Variants in CPED1 observed in about 807,000 individuals in gnomAD.
CPED1 encodes the protein cadherin like and PC-esterase domain containing 1.
CPED1 carries 114 observed loss-of-function variants against 128.2 expected under a neutral mutation model. The ratio of observed to expected loss-of-function variants is 0.89; its 90% CI spans 0.76 to 1.04. The LOEUF is 1.04. CPED1 is among the 50% of genes least tolerant of loss of function. The probability of loss-of-function intolerance (pLI) is 0.00; values close to 1 mark genes in which losing one functional copy is unlikely to be tolerated. For missense variants in CPED1, 1,211 were observed against 1,207.1 expected, an observed-to-expected ratio of 1.00 and a Z score of -0.05; for synonymous variants, 462 against 426.7, an observed-to-expected ratio of 1.08 and a Z score of -1.02.
At chr7:121,014,754 T>A (rs1050361686) in intron 2 of CPED1, among the ~76,000 whole-genome samples, 9 of 152,042 alleles carry the variant, frequency 5.9e-5, no homozygotes, top group African/African-American at 2.2e-4. Context: ...TTGTGTTTTT[T>A]ACCAAGTCCC....
rs759165787 is a variant in CPED1, at chr7:121,130,298, A to G, written c.1577+4A>G. 1 of 1,588,502 alleles carries G rather than the reference A, an allele frequency of 6.3e-7. No homozygotes were observed. Among genetic ancestry groups the G allele is most frequent in the East Asian group, 2.3e-5 (1 of 43,792 alleles). On this transcript the variant is annotated splice_donor_region_variant and intron_variant, in intron 12 of 22. Coordinates refer to ENST00000310396, the MANE Select transcript of CPED1 (RefSeq NM_024913.5). The stretch of plus-strand genomic sequence containing the variant: ...CACAGCCACATCCACTGGAATGGTA[A>G]GATAGCCACAAATTTGAATTGTACA...
At chr7:121,056,208 A>C (rs1248863959) in intron 4 of CPED1, among the ~76,000 whole-genome samples, 1 of 152,112 alleles carries the variant, frequency 6.6e-6, no homozygotes, top group Admixed American at 6.5e-5. Context: ...AATGGTATTT[A>C]TTTCTGGTTG....
chr7:121,168,898 G>A (rs1669820595), intron 16 of CPED1, among the ~76,000 whole-genome samples: 1 of 152,090 alleles, frequency 6.6e-6, no homozygotes, highest in Non-Finnish European at 1.5e-5. Flanking sequence ...ACTTCAGTAT[G>A]GCAAACTCTG....
intron 2 of CPED1, among the ~76,000 whole-genome samples, chr7:121,012,622 T>A (rs1016604387): frequency 1.3e-5 from 2 of 152,240 alleles, no homozygotes; most frequent in African/African-American, 4.8e-5. Flanking sequence ...GTGCACCTGT[T>A]GTCAGACCGG....
chr7:121,004,277 T>C (rs750585301), intron 2 of CPED1, among the ~76,000 whole-genome samples: 56 of 152,288 alleles, frequency 3.7e-4, no homozygotes, highest in Admixed American at 2.5e-3. Context: ...TGCATGGGAT[T>C]GACAATGTTA....
intron 16 of CPED1, among the ~76,000 whole-genome samples, chr7:121,181,241 T>C (rs1796891705): frequency 6.6e-6 from 1 of 152,084 alleles, no homozygotes; most frequent in South Asian, 2.1e-4. Context: ...CATGCAAGTA[T>C]ATTCTTCAGA....
intron 5 of CPED1, among the ~76,000 whole-genome samples, chr7:121,073,644 GCTT>G (rs1055525691): frequency 2.6e-5 from 4 of 152,118 alleles, no homozygotes; most frequent in Admixed American, 1.3e-4. Flanking sequence ...TTCTGGCACT[GCTT>G]CTTCTTCATC....
chr7:121,197,411 A>T (rs1797295674), intron 16 of CPED1, among the ~76,000 whole-genome samples: 1 of 152,138 alleles, frequency 6.6e-6, no homozygotes. Flanking sequence ...CAAAGGGCCA[A>T]CTGTACATCA....
At chr7:121,247,660 C>T (rs900065798) in intron 18 of CPED1, among the ~76,000 whole-genome samples, 1 of 152,094 alleles carries the variant, frequency 6.6e-6, no homozygotes, top group Non-Finnish European at 1.5e-5. Flanking sequence ...CTTCTGGATT[C>T]CTGGCTACAG....
chr7:121,108,340 T>A (rs1284105310), intron 7 of CPED1, among the ~76,000 whole-genome samples: 1 of 152,122 alleles, frequency 6.6e-6, no homozygotes, highest in African/African-American at 2.4e-5. Flanking sequence ...GGCCACACAA[T>A]TATTTGGAAT....
At chr7:121,244,461 C>G in intron 18 of CPED1, 123 bp downstream of exon 18, 1 of 956,958 alleles carries the variant, frequency 1.0e-6, no homozygotes, top group South Asian at 1.6e-5. Context: ...TAACTGAATG[C>G]AATATGGCTT....
intron 4 of CPED1, among the ~76,000 whole-genome samples, chr7:121,060,584 C>T (rs1793634211): frequency 6.6e-6 from 1 of 152,170 alleles, no homozygotes; most frequent in Non-Finnish European, 1.5e-5. Flanking sequence ...CTTGGAGAAC[C>T]TTTGTGTGGA....
At chr7:120,995,494 G>GT (rs1468294722) in intron 2 of CPED1, among the ~76,000 whole-genome samples, 1 of 152,092 alleles carries the variant, frequency 6.6e-6, no homozygotes. Flanking sequence ...CTTGATGAAT[G>GT]TATCAGTTTT....
chr7:121,176,578 G>A (rs1241862978), intron 16 of CPED1, among the ~76,000 whole-genome samples: 1 of 152,018 alleles, frequency 6.6e-6, no homozygotes, highest in Non-Finnish European at 1.5e-5. Flanking sequence ...TATTAGCCAT[G>A]ATTAAAGGAG....
intron 14 of CPED1, among the ~76,000 whole-genome samples, chr7:121,139,895 C>T (rs872007): frequency 0.34 from 51,072 of 151,844 alleles, 8,964 homozygotes; most frequent in Middle Eastern, 0.49. Flanking sequence ...CAAGATACTT[C>T]AATTTTACTG....
chr7:121,122,173 C>T (rs2116307831), intron 7 of CPED1, among the ~76,000 whole-genome samples: 1 of 144,230 alleles, frequency 6.9e-6, no homozygotes, highest in Middle Eastern at 3.8e-3. Flanking sequence ...CAGAGTCTCG[C>T]TCTGTCACCC....
At chr7:121,090,759 G>A (rs980891050) in intron 5 of CPED1, among the ~76,000 whole-genome samples, 62 of 152,086 alleles carry the variant, frequency 4.1e-4, no homozygotes, top group Non-Finnish European at 1.0e-4. Context: ...GACCAGCCTG[G>A]CCAACATGGT....
chr7:121,260,868 G>A (rs1792000044), intron 18 of CPED1, among the ~76,000 whole-genome samples: 1 of 152,026 alleles, frequency 6.6e-6, no homozygotes, highest in Non-Finnish European at 1.5e-5. Context: ...CTGATGTGAT[G>A]CAGGAGGAAA....
intron 5 of CPED1, among the ~76,000 whole-genome samples, chr7:121,097,422 G>C (rs1235274860): frequency 6.6e-6 from 1 of 152,116 alleles, no homozygotes; most frequent in Non-Finnish European, 1.5e-5. Flanking sequence ...ATGTTGGACA[G>C]TTAGAGACAT....
Sources: allele counts gnomAD v4.1 joint callset (sites outside exome capture counted in the v4.1 genomes callset), GRCh38; gene constraint gnomAD v4.1.1; transcripts MANE v1.5; gene names NCBI Gene and HGNC (gene_info 2026-07-23, HGNC 2026-07-21).